The following SH3GL2 variants were observed in gnomAD, a reference collection of about 807,000 sequenced individuals.
SH3GL2 encodes the protein endophilin-A1.
Under a neutral mutation model 46.0 loss-of-function variants are expected in SH3GL2, and 24 were observed. That is an observed-to-expected ratio of 0.52 (90% CI 0.38 to 0.73). SH3GL2 has a LOEUF of 0.73. Ranked by LOEUF, SH3GL2 falls within the 30% of genes least tolerant of loss-of-function variation. The pLI, the probability that SH3GL2 is intolerant of heterozygous loss-of-function variation, is 0.00. For missense variants in SH3GL2, 413 were observed against 424.2 expected (o/e 0.97, Z 0.23); for synonymous variants, 196 against 147.1 (o/e 1.33, Z -2.40).
At chr9:17,662,249 T>A (rs1361507585) in intron 1 of SH3GL2, among the ~76,000 whole-genome samples, 1 of 152,228 alleles carries the variant, frequency 6.6e-6, no homozygotes, top group Non-Finnish European at 1.5e-5. Context: ...TTGGTCCCCA[T>A]GATGAGATGA....
At chr9:17,727,894 C>T (rs1355743501) in intron 1 of SH3GL2, among the ~76,000 whole-genome samples, 1 of 152,048 alleles carries the variant, frequency 6.6e-6, no homozygotes, top group Non-Finnish European at 1.5e-5. Flanking sequence ...ATCTGCTGTC[C>T]CTTCATCCTC....
intron 4 of SH3GL2, among the ~76,000 whole-genome samples, chr9:17,786,810 C>T (rs1238209832): frequency 6.6e-6 from 1 of 151,798 alleles, no homozygotes; most frequent in Non-Finnish European, 1.5e-5. Context: ...TTGGGTGTTT[C>T]TGGCAGTCAT....
chr9:17,795,925 C>T lies in SH3GL2; in HGVS notation c.*182C>T, dbSNP rs1009354107. 1.7e-6 allele frequency: 1 copy of T among 586,438 alleles called. No homozygotes were observed. The highest frequency in any genetic ancestry group is 3.0e-6 in the Non-Finnish European group (1 of 329,404). 36.3% of individuals were successfully genotyped at this position (586,438 alleles called of 1,614,324 possible). ...AGGAGTCATGGTGATGGATGATATC[C>T]TCTTAGCCTGGTGGGCGTGGCATGT... On this transcript the variant is annotated 3_prime_UTR_variant, in exon 9 of 9. Transcript: ENST00000380607.
intron 1 of SH3GL2, among the ~76,000 whole-genome samples, chr9:17,690,702 C>T (rs775283508): frequency 5.3e-5 from 8 of 152,058 alleles, no homozygotes; most frequent in African/African-American, 1.2e-4. Context: ...TTTCCTAGCC[C>T]GTCACATTTA....
intron 1 of SH3GL2, among the ~76,000 whole-genome samples, chr9:17,728,602 T>G (rs546414487): frequency 6.6e-6 from 1 of 152,204 alleles, no homozygotes; most frequent in East Asian, 1.9e-4. Flanking sequence ...CATTAGGTAT[T>G]TCTCCTAATG....
chr9:17,765,803 A>G (rs6475172), intron 3 of SH3GL2, among the ~76,000 whole-genome samples: 122,612 of 151,692 alleles, frequency 0.81, 49,883 homozygotes, highest in East Asian at 0.96. Context: ...TTCATCCGCC[A>G]TGAGTTCAGC....
intron 1 of SH3GL2, among the ~76,000 whole-genome samples, chr9:17,645,151 C>CTTTTTTTTTTTTTTTTTTTTTTTTTTT (rs57611978): frequency 1.5e-5 from 1 of 68,780 alleles, no homozygotes; most frequent in Non-Finnish European, 2.7e-5. Flanking sequence ...GCAAACGCTG[C>CTTTTTTTTTTTTTTTTTTTTTTTTTTT]TTTTTTTTTT....
intron 1 of SH3GL2, among the ~76,000 whole-genome samples, chr9:17,659,530 A>G (rs569996830): frequency 6.6e-6 from 1 of 152,258 alleles, no homozygotes; most frequent in African/African-American, 2.4e-5. Context: ...GAGACTAGGA[A>G]AATAGTTAAA....
chr9:17,747,071 G>C lies in SH3GL2; in HGVS notation c.51G>C (p.Val17=). The change falls in exon 2 of 9, where the codon GTG becomes GTC. Residue 17 remains valine, a synonymous_variant. Transcript: ENST00000380607. ...TTTGTGGTTATTTTCTACAGAAAGT[G>C]AGTGAGAAGGTTGGAGGAGCTGAAG... ...KKQFHKATQK[V]SEKVGGAEGT... 2 of 1,601,278 alleles carry C rather than the reference G, an allele frequency of 1.2e-6. No homozygotes were observed. Among genetic ancestry groups the C allele is most frequent in the South Asian group, 1.1e-5 (1 of 90,572 alleles).
chr9:17,684,754 C>G (rs1046049125), intron 1 of SH3GL2, among the ~76,000 whole-genome samples: 1 of 152,098 alleles, frequency 6.6e-6, no homozygotes, highest in African/African-American at 2.4e-5. Context: ...TGAGTCAAAG[C>G]AGACTTCTCA....
chr9:17,642,567 A>C (rs1002999319), intron 1 of SH3GL2, among the ~76,000 whole-genome samples: 2 of 152,204 alleles, frequency 1.3e-5, no homozygotes, highest in African/African-American at 4.8e-5. Context: ...AGTTTTCTGC[A>C]TATGGCCAGC....
intron 1 of SH3GL2, among the ~76,000 whole-genome samples, chr9:17,635,047 G>C (rs1819511139): frequency 6.6e-6 from 1 of 152,154 alleles, no homozygotes; most frequent in Non-Finnish European, 1.5e-5. Context: ...GTAAATGTGT[G>C]TCATGGGAGT....
chr9:17,705,298 T>C (rs529066052), intron 1 of SH3GL2, among the ~76,000 whole-genome samples: 6 of 152,192 alleles, frequency 3.9e-5, no homozygotes, highest in Non-Finnish European at 1.5e-5. Flanking sequence ...CTGCTGGAAA[T>C]GTAAATTAGT....
intron 1 of SH3GL2, among the ~76,000 whole-genome samples, chr9:17,665,757 A>C (rs1365924697): frequency 6.6e-6 from 1 of 151,630 alleles, no homozygotes; most frequent in African/African-American, 2.4e-5. Context: ...AGTGGTGTTC[A>C]GGTCTTGGTG....
intron 1 of SH3GL2, among the ~76,000 whole-genome samples, chr9:17,648,530 A>G (rs1187796189): frequency 6.6e-6 from 1 of 152,166 alleles, no homozygotes; most frequent in Admixed American, 6.5e-5. Flanking sequence ...TTTATTTCTT[A>G]GCATTGGTAA....
chr9:17,703,177 A>G (rs1010440362), intron 1 of SH3GL2, among the ~76,000 whole-genome samples: 5 of 152,006 alleles, frequency 3.3e-5, no homozygotes, highest in Non-Finnish European at 7.4e-5. Context: ...CCCTTTATCA[A>G]ATGAAAATGA....
chr9:17,677,173 AT>A (rs5896755), intron 1 of SH3GL2, among the ~76,000 whole-genome samples: 32,171 of 151,478 alleles, frequency 0.21, 4,967 homozygotes, highest in African/African-American at 0.43. Context: ...TTTGAAAAAC[AT>A]TTTTTTTTCC....
chr9:17,691,990 T>C (rs1024658462), intron 1 of SH3GL2, among the ~76,000 whole-genome samples: 1 of 152,168 alleles, frequency 6.6e-6, no homozygotes, highest in Admixed American at 6.5e-5. Flanking sequence ...AAATGCAATC[T>C]ATTTCTCAGA....
chr9:17,700,434 A>C (rs1038926087), intron 1 of SH3GL2, among the ~76,000 whole-genome samples: 2 of 152,186 alleles, frequency 1.3e-5, no homozygotes, highest in Non-Finnish European at 2.9e-5. Flanking sequence ...GTGAACTGAA[A>C]AATCTGTGGG....
Sources: allele counts gnomAD v4.1 joint callset (sites outside exome capture counted in the v4.1 genomes callset), GRCh38; gene constraint gnomAD v4.1.1; transcripts MANE v1.5; gene names NCBI Gene and HGNC (gene_info 2026-07-23, HGNC 2026-07-21).